The following WWOX variants were observed in gnomAD, a reference collection of about 807,000 sequenced individuals.
The protein encoded by WWOX is WW domain containing oxidoreductase, also known as WW domain-containing oxidoreductase.
In WWOX, 69 loss-of-function variants were observed where a neutral mutation model predicts 46.2. The ratio of observed to expected loss-of-function variants is 1.49; its 90% CI spans 1.23 to 1.82. The LOEUF is 1.82. Ranked by LOEUF, WWOX falls within the 40% of genes most tolerant of loss-of-function variation. The pLI, the probability that WWOX is intolerant of heterozygous loss-of-function variation, is 0.00. For synonymous variants in WWOX, 359 were observed against 202.6 expected (o/e 1.77, Z -6.56); for missense variants, 919 against 542.6 (o/e 1.69, Z -6.89).
intron 8 of WWOX, among the ~76,000 whole-genome samples, chr16:78,563,583 C>T (rs2044492659): frequency 7.0e-6 from 1 of 142,746 alleles, no homozygotes; most frequent in Non-Finnish European, 1.5e-5. Flanking sequence ...ATTTTTAGAA[C>T]CAAATGCCTT....
intron 8 of WWOX, among the ~76,000 whole-genome samples, chr16:78,850,231 T>C (rs2052408152): frequency 6.6e-6 from 1 of 152,252 alleles, no homozygotes; most frequent in South Asian, 2.1e-4. Context: ...AACTAGCCAA[T>C]GTGTCATCAC....
chr16:79,202,116 C>T (rs115711053), intron 8 of WWOX, among the ~76,000 whole-genome samples: 47 of 152,212 alleles, frequency 3.1e-4, no homozygotes, highest in African/African-American at 7.9e-4. Flanking sequence ...TAGACGTTGT[C>T]GATGGCCGCT....
chr16:78,878,322 A>C (rs79794624), intron 8 of WWOX, among the ~76,000 whole-genome samples: 2,447 of 152,304 alleles, frequency 0.016, 69 homozygotes, highest in African/African-American at 0.056. Context: ...TGGGAAGTAC[A>C]GACTTTGCAG....
intron 8 of WWOX, among the ~76,000 whole-genome samples, chr16:78,919,519 G>GT (rs1362661780): frequency 0.045 from 2,992 of 67,204 alleles, 106 homozygotes; most frequent in Middle Eastern, 0.096. Context: ...TTATCTTTTT[G>GT]TTTTGTTTTT....
intron 6 of WWOX, among the ~76,000 whole-genome samples, chr16:78,397,145 G>C (rs992635548): frequency 6.6e-6 from 1 of 152,174 alleles, no homozygotes; most frequent in Non-Finnish European, 1.5e-5. Flanking sequence ...GCTGAGAGAA[G>C]AGGAAAGAGT....
chr16:78,422,844 T>TACACACACAC (rs370327902), intron 6 of WWOX, among the ~76,000 whole-genome samples: 5 of 105,114 alleles, frequency 4.8e-5, no homozygotes, highest in African/African-American at 2.0e-4. Context: ...TATATACATA[T>TACACACACAC]ACACACACAC....
chr16:79,173,204 G>A (rs1411030152), intron 8 of WWOX, among the ~76,000 whole-genome samples: 3 of 152,108 alleles, frequency 2.0e-5, no homozygotes, highest in Non-Finnish European at 4.4e-5. Flanking sequence ...GAACCCTTTC[G>A]GTTCACATCA....
intron 8 of WWOX, among the ~76,000 whole-genome samples, chr16:78,945,347 C>G (rs2045928710): frequency 6.6e-6 from 1 of 152,138 alleles, no homozygotes; most frequent in Non-Finnish European, 1.5e-5. Context: ...TAATCTCAAA[C>G]TTTACAATAA....
At chr16:78,407,951 C>G (rs112697573) in intron 6 of WWOX, among the ~76,000 whole-genome samples, 1 of 152,148 alleles carries the variant, frequency 6.6e-6, no homozygotes, top group Non-Finnish European at 1.5e-5. Flanking sequence ...TAGGAATGGA[C>G]ATATCCCAAG....
At chr16:78,897,985 T>A (rs2044740868) in intron 8 of WWOX, 1 of 112,606 alleles carries the variant, frequency 8.9e-6, no homozygotes, top group South Asian at 2.2e-4. Context: ...CTTGTTTATG[T>A]ATTGGCCATT....
intron 8 of WWOX, among the ~76,000 whole-genome samples, chr16:78,995,210 A>C (rs4888911): frequency 0.61 from 91,769 of 151,586 alleles, 29,710 homozygotes; most frequent in Non-Finnish European, 0.73. Flanking sequence ...CATTCTTTCC[A>C]AATACGTGAT....
At position 78,523,788 on chromosome 16, in the gene WWOX, G is replaced by A. The variant is rs552075067; in HGVS notation, c.1056+91036G>A. Among the ~76,000 whole-genome samples, 6 of 152,192 alleles carry A rather than the reference G, an allele frequency of 3.9e-5. No individual in the cohort carries two copies. In the South Asian group the frequency reaches 1.0e-3, roughly 26 times the overall value. Reference sequence around the variant, plus strand: ...GATTTATGAGAGCATGACCCTGGGGGCCTCTGGAACAGCTGCTCACACACT... The same window carrying A: ...GATTTATGAGAGCATGACCCTGGGGACCTCTGGAACAGCTGCTCACACACT... On this transcript the variant is annotated intron_variant, in intron 8 of 8. Transcript: ENST00000566780.
At chr16:78,192,621 T>C (rs1284700411) in intron 5 of WWOX, among the ~76,000 whole-genome samples, 1 of 152,232 alleles carries the variant, frequency 6.6e-6, no homozygotes, top group African/African-American at 2.4e-5. Flanking sequence ...CTTTGTAATG[T>C]TACTGGTGTC....
intron 6 of WWOX, among the ~76,000 whole-genome samples, chr16:78,412,176 T>G (rs1017653415): frequency 6.6e-6 from 1 of 152,144 alleles, no homozygotes; most frequent in Non-Finnish European, 1.5e-5. Context: ...TGACCAGTCA[T>G]GGAGACTAAA....
At chr16:78,381,334 G>A (rs1352881432) in intron 5 of WWOX, among the ~76,000 whole-genome samples, 1 of 152,176 alleles carries the variant, frequency 6.6e-6, no homozygotes, top group Non-Finnish European at 1.5e-5. Context: ...TATATATAAA[G>A]AATAGATGAA....
At chr16:78,577,416 A>G (rs1418180932) in intron 8 of WWOX, among the ~76,000 whole-genome samples, 3 of 152,156 alleles carry the variant, frequency 2.0e-5, no homozygotes, top group African/African-American at 7.2e-5. Flanking sequence ...GGCCATGAGT[A>G]AAGGGTGCCC....
At chr16:79,187,100 A>G (rs2051031132) in intron 8 of WWOX, among the ~76,000 whole-genome samples, 1 of 152,206 alleles carries the variant, frequency 6.6e-6, no homozygotes, top group Admixed American at 6.5e-5. Context: ...GGGTCATTAG[A>G]AAATCATAGA....
chr16:78,449,478 G>C (rs187155658), intron 8 of WWOX, among the ~76,000 whole-genome samples: 1 of 152,126 alleles, frequency 6.6e-6, no homozygotes. Flanking sequence ...AGTGCCTTTT[G>C]GGGACCCTGC....
chr16:79,174,291 T>C (rs1422600505), intron 8 of WWOX, among the ~76,000 whole-genome samples: 1 of 152,248 alleles, frequency 6.6e-6, no homozygotes, highest in Non-Finnish European at 1.5e-5. Context: ...TGAAAAATTA[T>C]CTTTTCCCCC....
Sources: allele counts gnomAD v4.1 joint callset (sites outside exome capture counted in the v4.1 genomes callset), GRCh38; gene constraint gnomAD v4.1.1; transcripts MANE v1.5; gene names NCBI Gene and HGNC (gene_info 2026-07-23, HGNC 2026-07-21).